The following SLC9A7 variants were observed in gnomAD, a reference collection of about 807,000 sequenced individuals.
SLC9A7 encodes sodium/hydrogen exchanger 7.
A neutral mutation model predicts 52.6 loss-of-function variants in SLC9A7; 19 were observed. The ratio of observed to expected loss-of-function variants is 0.36; its 90% confidence interval spans 0.25 to 0.53. SLC9A7 has a LOEUF of 0.53. SLC9A7 is among the 20% of genes least tolerant of loss of function. The probability of loss-of-function intolerance (pLI) is 0.91; values close to 1 mark genes in which losing one functional copy is unlikely to be tolerated. For missense variants in SLC9A7, 455 were observed against 597.9 expected (o/e 0.76, Z 2.49); for synonymous variants, 226 against 252.1 (o/e 0.90, Z 0.98).
At chrX:46,739,346 A>G (rs1017088979) in intron 1 of SLC9A7, among the ~76,000 whole-genome samples, 2 of 111,603 alleles carry the variant, frequency 1.8e-5, no homozygotes, top group Non-Finnish European at 3.8e-5. Flanking sequence ...CAGAATAGGT[A>G]TTCAATCTGA....
intron 11 of SLC9A7, 47 bp downstream of exon 11, chrX:46,648,639 T>C (rs1440586859): frequency 6.4e-6 from 6 of 935,839 alleles, no homozygotes; most frequent in Non-Finnish European, 9.3e-6. Context: ...CATATTCTTG[T>C]TACCTGCTGA....
Position 46,725,309 on chromosome X carries a change from C to A in SLC9A7, c.325+33396G>T, listed in dbSNP as rs760309350. On this transcript the variant is annotated intron_variant, in intron 1 of 16. Coordinates refer to ENST00000616978, the MANE Select transcript of SLC9A7 (RefSeq NM_001257291.2). Reference sequence around the variant, plus strand: ...CTTCATCAGCCAGAAGCTCATCACCCAGTGCATCCAACTTTGCTTCTAGGT... The same window carrying A: ...CTTCATCAGCCAGAAGCTCATCACCAAGTGCATCCAACTTTGCTTCTAGGT... The A allele has an allele frequency of 6.1e-6, 7 of 1,143,858 alleles. No homozygotes were observed. The East Asian group carries it at 2.1e-4, about 34-fold the overall frequency. The allele number at this position is 1,143,858 out of a possible 1,213,427, so 94.3% of individuals were successfully genotyped here.
At chrX:46,623,754 C>T (rs1943080366) in intron 14 of SLC9A7, among the ~76,000 whole-genome samples, 2 of 112,219 alleles carry the variant, frequency 1.8e-5, no homozygotes, top group Admixed American at 1.9e-4. Context: ...AAATATATAT[C>T]TGGTTTTTGT....
rs1000772253 is a variant in SLC9A7, at chrX:46,606,825, C to G, written c.*127G>C. 1 of 1,149,464 alleles carries G rather than the reference C, an allele frequency of 8.7e-7. No individual in the cohort carries two copies. The highest frequency in any genetic ancestry group is 1.2e-6 in the Non-Finnish European group (1 of 864,893). 94.7% of individuals were successfully genotyped at this position (1,149,464 alleles called of 1,213,427 possible). ...TAAATTTTAAGTGTTACAATAGCTT[C>G]AGACCCCAATAAAATAGAAGAGTTA... On this transcript the variant is annotated 3_prime_UTR_variant, in exon 17 of 17. Coordinates refer to ENST00000616978, the MANE Select transcript of SLC9A7 (RefSeq NM_001257291.2).
intron 1 of SLC9A7, among the ~76,000 whole-genome samples, chrX:46,711,326 G>A (rs762538014): frequency 4.4e-5 from 5 of 112,573 alleles, no homozygotes; most frequent in South Asian, 3.6e-4. Flanking sequence ...ACAGAAAACC[G>A]CGTGGCATAA....
intron 11 of SLC9A7, among the ~76,000 whole-genome samples, chrX:46,648,403 A>T (rs2146770611): frequency 8.9e-6 from 1 of 111,755 alleles, no homozygotes; most frequent in Admixed American, 9.5e-5. Flanking sequence ...TCTAGAAAAC[A>T]ATCAAGCACT....
In SLC9A7 at chrX:46,703,214, T is replaced by C. The variant is rs780719477; in HGVS notation, c.326-20679A>G. Among the ~76,000 whole-genome samples the C allele has an allele frequency of 4.5e-5, 5 of 112,186 alleles. No homozygotes were observed. The East Asian group carries it at 1.4e-3, about 31-fold the overall frequency. ...CAAATATTTTCTCCCATTCTGTAGA[T>C]TGTTTACTCTGTTAATAGTTTCTTT... On this transcript the variant is annotated intron_variant, in intron 1 of 16. Coordinates refer to ENST00000616978, the MANE Select transcript of SLC9A7 (RefSeq NM_001257291.2).
chrX:46,612,294 G>C (rs1277372441), intron 16 of SLC9A7, among the ~76,000 whole-genome samples: 1 of 111,623 alleles, frequency 9.0e-6, no homozygotes, highest in Admixed American at 9.6e-5. Context: ...GATGGCCGAA[G>C]AGGGATGAAG....
At chrX:46,698,827 T>C (rs1471091101) in intron 1 of SLC9A7, among the ~76,000 whole-genome samples, 1 of 111,938 alleles carries the variant, frequency 8.9e-6, no homozygotes, top group Non-Finnish European at 1.9e-5. Context: ...CAGAAATTCA[T>C]CCTTAAAAGG....
Position 46,607,045 on chromosome X carries a change from C to G in SLC9A7, c.2088G>C (p.Ser696=). 2.5e-6 allele frequency: 3 copies of G among 1,211,699 alleles called. No individual in the cohort carries two copies. Among genetic ancestry groups the G allele is most frequent in the South Asian group, 3.5e-5 (2 of 56,995 alleles). ...LEGSRRTKSS[S]EEVLERDLGM... The stretch of plus-strand genomic sequence containing the variant: ...CCAGGTCTCGCTCCAGCACTTCCTC[C>G]GAGCTGCTCTTCGTTCTCCGGCTGC... The change falls in exon 17 of 17, where the codon TCG becomes TCC. Residue 696 remains serine, a synonymous_variant. Coordinates refer to ENST00000616978, the MANE Select transcript of SLC9A7 (RefSeq NM_001257291.2).
intron 14 of SLC9A7, 76 bp from the exon 15 acceptor site, chrX:46,621,135 A>G (rs1943040112): frequency 1.6e-6 from 1 of 623,585 alleles, no homozygotes; most frequent in Non-Finnish European, 2.6e-6. Context: ...AACCTTTTTT[A>G]ATAACTTGTA....
chrX:46,731,432 T>TATATAA (rs748259550), intron 1 of SLC9A7, among the ~76,000 whole-genome samples: 9 of 78,235 alleles, frequency 1.2e-4, no homozygotes, highest in Admixed American at 1.8e-4. Context: ...TATAAAAAAT[T>TATATAA]AAAAAAAATT....
chrX:46,631,242 C>T (rs1943216667), intron 14 of SLC9A7, among the ~76,000 whole-genome samples: 1 of 112,291 alleles, frequency 8.9e-6, no homozygotes, highest in African/African-American at 3.2e-5. Context: ...AGAGTCAAAT[C>T]GTATTGCTCT....
chrX:46,638,461 T>C (rs1405920860), intron 12 of SLC9A7, among the ~76,000 whole-genome samples: 3 of 111,727 alleles, frequency 2.7e-5, no homozygotes, highest in African/African-American at 9.8e-5. Context: ...ATGAAATAAA[T>C]AGCTGGTTCT....
At chrX:46,682,557 C>A in intron 1 of SLC9A7, 22 bp from the exon 2 acceptor site, 1 of 1,173,407 alleles carries the variant, frequency 8.5e-7, no homozygotes, top group Non-Finnish European at 1.2e-6. Context: ...GAAAAAAACT[C>A]ATCAGGCCTG....
rs1458927276 is a variant in SLC9A7 at position 46,604,733 on chromosome X, C to T, written c.*2219G>A. On this transcript the variant is annotated 3_prime_UTR_variant, in exon 17 of 17. Transcript: ENST00000616978. ...AGGCATAAGCCACTGTGCCCGGTCT[C>T]AATTTTATTTTATTGAACCATATGA... 8.9e-6 allele frequency: 1 copy of T among 112,281 alleles called. No homozygotes were observed. Among genetic ancestry groups the T allele is most frequent in the African/African-American group, 3.2e-5 (1 of 30,900 alleles). The allele number at this position is 112,281 out of a possible 1,213,427, so 9.3% of individuals were successfully genotyped here. A position where few individuals can be genotyped will look rare whatever the true frequency, so the allele number is the denominator to read the frequency against.
chrX:46,692,383 G>A (rs1944392491), intron 1 of SLC9A7, among the ~76,000 whole-genome samples: 1 of 111,020 alleles, frequency 9.0e-6, no homozygotes, highest in Non-Finnish European at 1.9e-5. Flanking sequence ...ACCACAAACA[G>A]AACCACAGGT....
intron 14 of SLC9A7, among the ~76,000 whole-genome samples, chrX:46,629,783 G>A (rs1943192504): frequency 8.9e-6 from 1 of 111,735 alleles, no homozygotes; most frequent in East Asian, 2.8e-4. Context: ...GTGAAATAAG[G>A]ACGGCCATCA....
chrX:46,689,933 T>C (rs970348568), intron 1 of SLC9A7, among the ~76,000 whole-genome samples: 1 of 111,542 alleles, frequency 9.0e-6, no homozygotes, highest in Non-Finnish European at 1.9e-5. Context: ...ATCCATGTCC[T>C]TGCAAAGGAC....
Sources: gnomAD v4.1 joint callset for allele counts (sites outside exome capture counted in the v4.1 genomes callset) on GRCh38, gnomAD v4.1.1 for gene constraint, MANE v1.5 for transcripts, NCBI Gene and HGNC (gene_info 2026-07-23, HGNC 2026-07-21) for gene names.